STX8: variants seen among roughly 807,000 people sequenced by gnomAD.
STX8 encodes the protein syntaxin-8.
Under a neutral mutation model 37.5 loss-of-function variants are expected in STX8, and 23 were observed. The ratio of observed to expected loss-of-function variants is 0.61; its 90% confidence interval spans 0.44 to 0.87. The LOEUF (loss-of-function observed/expected upper bound fraction) is 0.87. Ranked by LOEUF, STX8 falls within the 40% of genes least tolerant of loss-of-function variation. STX8 has a pLI of 0.00. For synonymous variants in STX8, 115 were observed against 99.1 expected, an observed-to-expected ratio of 1.16 and a Z score of -0.95; for missense variants, 313 against 284.7, an observed-to-expected ratio of 1.10 and a Z score of -0.71.
chr17:9,406,192 C>T (rs1912797000), intron 6 of STX8, among the ~76,000 whole-genome samples: 1 of 152,214 alleles, frequency 6.6e-6, no homozygotes. Flanking sequence ...AGCAATTCAA[C>T]TTTTCCTTGT....
chr17:9,508,549 G>A lies in STX8; in HGVS notation c.324-3387C>T, dbSNP rs578246754. Among the ~76,000 whole-genome samples the A allele has an allele frequency of 9.9e-5, 15 of 152,250 alleles. No individual in the cohort carries two copies. In the East Asian group the frequency reaches 1.4e-3, roughly 14 times the overall value. On this transcript the variant is annotated intron_variant, in intron 4 of 7. Transcript: ENST00000306357. ...TCACCATGTTAGCCAGGTTGGTATC[G>A]AACTCCTAATCTCAAGTGATCTGCC...
chr17:9,444,264 C>T (rs1904764290), intron 6 of STX8, among the ~76,000 whole-genome samples: 1 of 152,212 alleles, frequency 6.6e-6, no homozygotes, highest in African/African-American at 2.4e-5. Context: ...ATTGGGATTA[C>T]AGGCATGAGC....
At chr17:9,402,635 T>C (rs946131811) in intron 6 of STX8, among the ~76,000 whole-genome samples, 20 of 152,294 alleles carry the variant, frequency 1.3e-4, no homozygotes, top group Admixed American at 7.8e-4. Context: ...ACCGACACTT[T>C]GCATTGTATT....
At chr17:9,500,112 G>A (rs1411718460) in intron 5 of STX8, among the ~76,000 whole-genome samples, 1 of 152,100 alleles carries the variant, frequency 6.6e-6, no homozygotes. Context: ...ATGGTAATGG[G>A]TGAAGTATGT....
At chr17:9,289,155 C>T (rs987441363) in intron 7 of STX8, among the ~76,000 whole-genome samples, 4 of 152,138 alleles carry the variant, frequency 2.6e-5, no homozygotes, top group East Asian at 1.9e-4. Flanking sequence ...CAAATTGTTT[C>T]CGGCCTAAAA....
At chr17:9,278,305 G>A (rs1194276528) in intron 7 of STX8, among the ~76,000 whole-genome samples, 2 of 152,184 alleles carry the variant, frequency 1.3e-5, no homozygotes, top group African/African-American at 2.4e-5. Context: ...AAAATTAGCC[G>A]GGCACGGCAG....
chr17:9,360,369 G>A lies in STX8; in HGVS notation c.643+18183C>T, dbSNP rs774648552. Reference sequence around the variant, plus strand: ...CCTGCCTCAGCCTCCCGAGTAGCTGGGATTACAGTCGTGCACCACCACGCC... The same window carrying A: ...CCTGCCTCAGCCTCCCGAGTAGCTGAGATTACAGTCGTGCACCACCACGCC... On this transcript the variant is annotated intron_variant, in intron 7 of 7. Transcript: ENST00000306357. Among the ~76,000 whole-genome samples the A allele has an allele frequency of 3.9e-4, 59 of 151,264 alleles. 1 individual carries two copies. Among genetic ancestry groups the A allele is most frequent in the Middle Eastern group, 3.4e-3 (1 of 294 alleles).
At chr17:9,428,253 T>C (rs1913710454) in intron 6 of STX8, among the ~76,000 whole-genome samples, 1 of 151,960 alleles carries the variant, frequency 6.6e-6, no homozygotes, top group Non-Finnish European at 1.5e-5. Flanking sequence ...TTGTTTTGTT[T>C]TGTTTTGAGA....
At chr17:9,505,292 A>G (rs2125348) in intron 4 of STX8, 130 bp from the exon 5 acceptor site, 722,701 of 1,006,200 alleles carry the variant, frequency 0.72, 261,694 homozygotes, top group East Asian at 0.83. Flanking sequence ...TTATTGCATC[A>G]TTAGTTTATG....
At chr17:9,565,612 CAAAAAAA>C (rs61319674) in intron 2 of STX8, among the ~76,000 whole-genome samples, 129 of 72,680 alleles carry the variant, frequency 1.8e-3, no homozygotes, top group African/African-American at 6.0e-3. Context: ...AACACCGTCT[CAAAAAAA>C]AAAAAAAAAA....
chr17:9,486,817 C>A (rs1906619483), intron 6 of STX8, among the ~76,000 whole-genome samples: 2 of 142,988 alleles, frequency 1.4e-5, no homozygotes, highest in African/African-American at 2.6e-5. Context: ...CGTGACTGTG[C>A]CACTACACTC....
At chr17:9,515,766 C>T (rs1905142011) in intron 4 of STX8, among the ~76,000 whole-genome samples, 6 of 152,168 alleles carry the variant, frequency 3.9e-5, no homozygotes, top group Admixed American at 3.9e-4. Flanking sequence ...TCAAACAAGC[C>T]TCCCACCTTG....
chr17:9,362,798 G>C (rs915895228), intron 7 of STX8, among the ~76,000 whole-genome samples: 4 of 145,828 alleles, frequency 2.7e-5, no homozygotes, highest in African/African-American at 1.0e-4. Flanking sequence ...CTCCAGCCTG[G>C]AGCCTGGGCG....
At chr17:9,348,469 A>ATGTATAG (rs202176414) in intron 7 of STX8, among the ~76,000 whole-genome samples, 15,182 of 151,504 alleles carry the variant, frequency 0.1, 825 homozygotes, top group Middle Eastern at 0.18. Flanking sequence ...GCCTATCCAA[A>ATGTATAG]CCATTCATAA....
rs187459306 is a variant in STX8, at chr17:9,543,369, C to T, written c.323+1803G>A. ...AGTGCAGTGGCGTGATCTCGGCTCA[C>T]TGCAACCTCCACCTCCCAGGTTCAA... On this transcript the variant is annotated intron_variant, in intron 4 of 7. Coordinates refer to ENST00000306357, the MANE Select transcript of STX8 (RefSeq NM_004853.3). Among the ~76,000 whole-genome samples the T allele has an allele frequency of 1.2e-3, 181 of 151,822 alleles. 2 individuals are homozygous for T. Among genetic ancestry groups the T allele is most frequent in the Middle Eastern group, 3.4e-3 (1 of 294 alleles).
intron 7 of STX8, among the ~76,000 whole-genome samples, chr17:9,350,051 C>T (rs1175664556): frequency 6.6e-6 from 1 of 152,124 alleles, no homozygotes; most frequent in African/African-American, 2.4e-5. Context: ...TGTGACACTG[C>T]GTTAGGCTAC....
chr17:9,341,028 T>A (rs1597614331), intron 7 of STX8, among the ~76,000 whole-genome samples: 1 of 147,392 alleles, frequency 6.8e-6, no homozygotes, highest in East Asian at 1.9e-4. Flanking sequence ...ATTATATATA[T>A]AAATTATAAA....
At chr17:9,295,766 T>A (rs934480381) in intron 7 of STX8, among the ~76,000 whole-genome samples, 15 of 150,616 alleles carry the variant, frequency 1.0e-4, no homozygotes, top group African/African-American at 3.7e-4. Context: ...AAAAGGAGGC[T>A]GGGTGCAGTG....
rs35962202 is a variant in STX8, at chr17:9,535,424, C to CTTTTTTTTTTTTTTTTTT, written c.323+9730_323+9747dup. Among the ~76,000 whole-genome samples the CTTTTTTTTTTTTTTTTTT allele has an allele frequency of 2.1e-3, 110 of 51,564 alleles. 17 individuals are homozygous for CTTTTTTTTTTTTTTTTTT. The highest frequency in any genetic ancestry group is 3.5e-3 in the African/African-American group (48 of 13,610). The allele number at this position is 51,564 out of a possible 152,430, so 33.8% of individuals were successfully genotyped here. On this transcript the variant is annotated intron_variant, in intron 4 of 7. Coordinates refer to ENST00000306357, the MANE Select transcript of STX8 (RefSeq NM_004853.3). ...CATACCCTCTGACCCAGCCATCCTA[C>CTTTTTTTTTTTTTTTTTT]TTTTTTTTTTTTTTTTTTTTTTTTT...
Sources: gnomAD v4.1 joint callset for allele counts (sites outside exome capture counted in the v4.1 genomes callset) on GRCh38, gnomAD v4.1.1 for gene constraint, MANE v1.5 for transcripts, NCBI Gene and HGNC (gene_info 2026-07-23, HGNC 2026-07-21) for gene names.